The following GPM6A variants were observed in gnomAD, a reference collection of about 807,000 sequenced individuals.
GPM6A encodes glycoprotein M6A, also known as neuronal membrane glycoprotein M6-a.
Under a neutral mutation model 32.1 loss-of-function variants are expected in GPM6A, and 7 were observed. That is an observed-to-expected ratio of 0.22 (90% CI 0.12 to 0.41). The LOEUF is 0.41. Ranked by LOEUF, GPM6A falls within the 10% of genes least tolerant of loss-of-function variation. GPM6A has a pLI of 1.00. For missense variants in GPM6A, 235 were observed against 347.2 expected, an observed-to-expected ratio of 0.68 and a Z score of 2.57; for synonymous variants, 130 against 123.4, an observed-to-expected ratio of 1.05 and a Z score of -0.35.
intron 1 of GPM6A, among the ~76,000 whole-genome samples, chr4:175,957,199 A>C (rs1740014852): frequency 2.0e-5 from 3 of 152,166 alleles, no homozygotes; most frequent in Admixed American, 2.0e-4. Flanking sequence ...TTTACCCACT[A>C]TTACAGCCTC....
At chr4:175,959,907 C>T (rs1412357023) in intron 1 of GPM6A, among the ~76,000 whole-genome samples, 2 of 152,162 alleles carry the variant, frequency 1.3e-5, no homozygotes, top group Admixed American at 1.3e-4. Context: ...TAGGAAATTA[C>T]TGTCTGACAT....
At chr4:176,001,635 T>C (rs879744082) in intron 1 of GPM6A, among the ~76,000 whole-genome samples, 7 of 152,282 alleles carry the variant, frequency 4.6e-5, no homozygotes, top group Admixed American at 1.3e-4. Flanking sequence ...CACCGTCCAG[T>C]GACCCGAGCC....
At chr4:175,643,961 A>G (rs1181777997) in intron 4 of GPM6A, among the ~76,000 whole-genome samples, 2 of 152,102 alleles carry the variant, frequency 1.3e-5, no homozygotes, top group East Asian at 1.9e-4. Context: ...GCCCACCTCA[A>G]GGGAAGAACC....
At chr4:175,959,699 C>G (rs1207151107) in intron 1 of GPM6A, among the ~76,000 whole-genome samples, 1 of 152,132 alleles carries the variant, frequency 6.6e-6, no homozygotes, top group Admixed American at 6.5e-5. Context: ...CCACCACTGC[C>G]TGCCCCGCTC....
chr4:175,754,897 G>T (rs1484474985), intron 1 of GPM6A, among the ~76,000 whole-genome samples: 1 of 151,870 alleles, frequency 6.6e-6, no homozygotes, highest in East Asian at 1.9e-4. Context: ...TATTCCTGTT[G>T]CTCTAAAGCA....
chr4:175,762,555 C>A (rs547508874), intron 1 of GPM6A, among the ~76,000 whole-genome samples: 8 of 152,086 alleles, frequency 5.3e-5, no homozygotes, highest in South Asian at 2.1e-4. Flanking sequence ...TAAAAGACAG[C>A]AGACAAAGGA....
chr4:175,686,341 A>G (rs1743980011), intron 2 of GPM6A, among the ~76,000 whole-genome samples: 1 of 152,188 alleles, frequency 6.6e-6, no homozygotes, highest in African/African-American at 2.4e-5. Context: ...AATCCCTGAC[A>G]CCTATGAATA....
intron 1 of GPM6A, among the ~76,000 whole-genome samples, chr4:175,710,977 C>T (rs377592929): frequency 8.6e-5 from 13 of 152,022 alleles, no homozygotes; most frequent in Admixed American, 1.3e-4. Flanking sequence ...AATATGAAAA[C>T]GACCCAGGCC....
intron 1 of GPM6A, among the ~76,000 whole-genome samples, chr4:175,934,667 AAAG>A (rs1273180980): frequency 6.6e-6 from 1 of 152,220 alleles, no homozygotes; most frequent in Non-Finnish European, 1.5e-5. Context: ...TAAATATAAA[AAAG>A]AAATTAACTT....
intron 6 of GPM6A, among the ~76,000 whole-genome samples, chr4:175,637,699 T>TATATATAAATATATATAATATATA (rs1740853947): frequency 1.4e-5 from 1 of 70,240 alleles, no homozygotes. Flanking sequence ...TATAATATAT[T>TATATATAAATATATATAATATATA]ATATATTATA....
At chr4:175,888,852 G>A (rs1043035516) in intron 1 of GPM6A, among the ~76,000 whole-genome samples, 4 of 151,950 alleles carry the variant, frequency 2.6e-5, no homozygotes, top group East Asian at 1.9e-4. Flanking sequence ...AAAGTAATAC[G>A]GTAACATAAA....
At chr4:175,789,293 G>A (rs935976772) in intron 1 of GPM6A, among the ~76,000 whole-genome samples, 6 of 151,990 alleles carry the variant, frequency 3.9e-5, no homozygotes, top group African/African-American at 1.4e-4. Flanking sequence ...TCCATATTCA[G>A]CTTCTTGATT....
chr4:175,838,110 CAG>C (rs879400048), intron 1 of GPM6A, among the ~76,000 whole-genome samples: 1,398 of 63,408 alleles, frequency 0.022, 15 homozygotes, highest in Middle Eastern at 0.053. Flanking sequence ...CACACACACA[CAG>C]ACACACACAC....
chr4:175,922,608 A>C (rs1444855738), intron 1 of GPM6A, among the ~76,000 whole-genome samples: 1 of 152,226 alleles, frequency 6.6e-6, no homozygotes, highest in South Asian at 2.1e-4. Flanking sequence ...AAGGTGGTAT[A>C]ATGAAATAAA....
At chr4:175,747,028 T>G (rs1732131534) in intron 1 of GPM6A, among the ~76,000 whole-genome samples, 1 of 152,054 alleles carries the variant, frequency 6.6e-6, no homozygotes, top group African/African-American at 2.4e-5. Flanking sequence ...TCCCAGCACT[T>G]TAGGAGGCTG....
At position 175,653,245 on chromosome 4, in the gene GPM6A, G is replaced by T. The variant is rs1373227808; in HGVS notation, c.388-1258C>A. Reference sequence around the variant, plus strand: ...TAACATAGAGTTTATTGGGATTAAGGATAGCAAGGAATTTATATGACAAAT... The same window carrying T: ...TAACATAGAGTTTATTGGGATTAAGTATAGCAAGGAATTTATATGACAAAT... On this transcript the variant is annotated intron_variant, in intron 3 of 6. Coordinates refer to ENST00000393658, the MANE Select transcript of GPM6A (RefSeq NM_201591.3). 2.0e-5 allele frequency among the ~76,000 whole-genome samples: 3 copies of T among 152,096 alleles called. No homozygotes were observed. The East Asian group carries it at 5.8e-4, about 29-fold the overall frequency.
chr4:175,812,074 G>A lies in GPM6A; in HGVS notation c.37+117C>T, dbSNP rs1327686852. On this transcript the variant is annotated intron_variant, in intron 1 of 6. Coordinates refer to ENST00000393658, the MANE Select transcript of GPM6A (RefSeq NM_201591.3). ...GAGGAACAGACTAAAGGAGAGGAAG[G>A]AACAAAATGCCTTCCAAGAGAGAAA... 1.2e-5 allele frequency: 9 copies of A among 752,218 alleles called. No individual in the cohort carries two copies. In the Admixed American group the frequency reaches 1.2e-4, roughly 10 times the overall value. 46.6% of individuals were successfully genotyped at this position (752,218 alleles called of 1,614,324 possible). A position where few individuals can be genotyped will look rare whatever the true frequency, so the allele number is the denominator to read the frequency against.
chr4:175,997,973 A>G (rs1012843173), intron 1 of GPM6A, among the ~76,000 whole-genome samples: 1 of 152,150 alleles, frequency 6.6e-6, no homozygotes, highest in Non-Finnish European at 1.5e-5. Context: ...TCCCTCAACC[A>G]GTACTCCTTA....
intron 1 of GPM6A, among the ~76,000 whole-genome samples, chr4:175,723,182 G>C (rs943329709): frequency 6.6e-6 from 1 of 152,120 alleles, no homozygotes; most frequent in Non-Finnish European, 1.5e-5. Context: ...CACTTGACAA[G>C]TCACAAGACC....
Sources: gnomAD v4.1 joint callset for allele counts (sites outside exome capture counted in the v4.1 genomes callset) on GRCh38, gnomAD v4.1.1 for gene constraint, MANE v1.5 for transcripts, NCBI Gene and HGNC (gene_info 2026-07-23, HGNC 2026-07-21) for gene names.